Variants in TECPR2 observed in about 807,000 individuals in gnomAD.
The protein encoded by TECPR2 is tectonin beta-propeller repeat-containing protein 2.
A neutral mutation model predicts 138.1 loss-of-function variants in TECPR2; 65 were observed. The ratio of observed to expected loss-of-function variants is 0.47; its 90% CI spans 0.39 to 0.58. The LOEUF (loss-of-function observed/expected upper bound fraction) is 0.58. Ranked by LOEUF, TECPR2 falls within the 20% of genes least tolerant of loss-of-function variation. The pLI, the probability that TECPR2 is intolerant of heterozygous loss-of-function variation, is 0.00. For missense variants in TECPR2, 1,553 were observed against 1,824.5 expected (o/e 0.85, Z 2.71); for synonymous variants, 746 against 749.8 (o/e 0.99, Z 0.08).
rs143322660 is a variant in TECPR2, at chr14:102,433,589, C to T, written c.1418-646C>T. Reference sequence around the variant, plus strand: ...AGGCTAGAGTGCAATGGTGCGATCTCGGCTCACTGCAACTTCCGCCTCCCA... The same window carrying T: ...AGGCTAGAGTGCAATGGTGCGATCTTGGCTCACTGCAACTTCCGCCTCCCA... On this transcript the variant is annotated intron_variant, in intron 8 of 19. Transcript: ENST00000359520. 2.6e-3 allele frequency among the ~76,000 whole-genome samples: 394 copies of T among 151,928 alleles called. 5 individuals carry two copies. The highest frequency in any genetic ancestry group is 0.018 in the East Asian group (93 of 5,182).
At chr14:102,445,334 A>G (rs1889943944) in intron 12 of TECPR2, among the ~76,000 whole-genome samples, 1 of 152,066 alleles carries the variant, frequency 6.6e-6, no homozygotes, top group Admixed American at 6.6e-5. Flanking sequence ...TTGGTGAGGG[A>G]GGGAGTAGAG....
chr14:102,466,172 T>C (rs1458079962), intron 17 of TECPR2, among the ~76,000 whole-genome samples: 1 of 152,136 alleles, frequency 6.6e-6, no homozygotes, highest in Admixed American at 6.5e-5. Context: ...ACCAGTGGTG[T>C]CCACCAGCCC....
intron 1 of TECPR2, among the ~76,000 whole-genome samples, chr14:102,366,162 A>G (rs1887341565): frequency 6.6e-6 from 1 of 152,106 alleles, no homozygotes; most frequent in Non-Finnish European, 1.5e-5. Flanking sequence ...GAAATCATCC[A>G]TCTGGGTGGC....
At chr14:102,487,571 T>C (rs1026478271) in intron 17 of TECPR2, among the ~76,000 whole-genome samples, 2 of 152,192 alleles carry the variant, frequency 1.3e-5, no homozygotes, top group Non-Finnish European at 2.9e-5. Context: ...AGATGGAGTC[T>C]CGCTCTCTCC....
intron 2 of TECPR2, among the ~76,000 whole-genome samples, chr14:102,390,956 A>G (rs1412846962): frequency 6.6e-6 from 1 of 152,238 alleles, no homozygotes; most frequent in Admixed American, 6.5e-5. Context: ...GATCAACAGC[A>G]GGACGCTAAA....
intron 2 of TECPR2, among the ~76,000 whole-genome samples, chr14:102,405,233 C>T (rs1003478867): frequency 1.3e-5 from 2 of 152,022 alleles, no homozygotes; most frequent in African/African-American, 2.4e-5. Context: ...CACTTGAACC[C>T]GGGAGGTGGA....
At chr14:102,366,611 T>G (rs1597756687) in intron 1 of TECPR2, among the ~76,000 whole-genome samples, 1 of 152,218 alleles carries the variant, frequency 6.6e-6, no homozygotes, top group Admixed American at 6.5e-5. Flanking sequence ...CCTCCCAAAG[T>G]GCTGGGATTA....
rs146620739 is a variant in TECPR2, at chr14:102,450,821, C to T, written c.3406+172C>T. Among the ~76,000 whole-genome samples the T allele has an allele frequency of 3.3e-5, 5 of 152,284 alleles. No individual in the cohort carries two copies. In the East Asian group the frequency reaches 7.7e-4, roughly 24 times the overall value. On this transcript the variant is annotated intron_variant, in intron 15 of 19. Coordinates refer to ENST00000359520, the MANE Select transcript of TECPR2 (RefSeq NM_014844.5). ...GTTAGCTGAGCCGAGGGCCCTGAATCGGGATAGGCCTGACCAGGAGAGCCT... is the reference window on the plus strand; with the variant it reads ...GTTAGCTGAGCCGAGGGCCCTGAATTGGGATAGGCCTGACCAGGAGAGCCT...
intron 17 of TECPR2, among the ~76,000 whole-genome samples, chr14:102,487,698 C>T (rs1366336663): frequency 3.9e-5 from 6 of 152,112 alleles, no homozygotes; most frequent in Non-Finnish European, 7.4e-5. Flanking sequence ...CCCGCCACCA[C>T]GCCTGGCTAA....
chr14:102,475,146 G>A (rs1370363383), intron 17 of TECPR2, among the ~76,000 whole-genome samples: 2 of 152,246 alleles, frequency 1.3e-5, no homozygotes, highest in African/African-American at 2.4e-5. Context: ...AGAGGGAAGT[G>A]CTGTCAGGGC....
intron 2 of TECPR2, among the ~76,000 whole-genome samples, chr14:102,381,430 C>A (rs1389874339): frequency 6.6e-6 from 1 of 152,120 alleles, no homozygotes; most frequent in African/African-American, 2.4e-5. Context: ...AAAAATTAGC[C>A]GGGAATAGTG....
At chr14:102,397,512 CA>C (rs1454192737) in intron 2 of TECPR2, among the ~76,000 whole-genome samples, 13 of 152,152 alleles carry the variant, frequency 8.5e-5, no homozygotes, top group Non-Finnish European at 1.5e-5. Context: ...TTGGGGAGGC[CA>C]AGGCAGGTGG....
At chr14:102,410,605 A>G (rs1468266579) in intron 4 of TECPR2, among the ~76,000 whole-genome samples, 2 of 151,766 alleles carry the variant, frequency 1.3e-5, no homozygotes, top group African/African-American at 4.8e-5. Flanking sequence ...TCGGAATGCT[A>G]CAGGGTACAG....
At chr14:102,459,375 A>G (rs1292615623) in intron 16 of TECPR2, among the ~76,000 whole-genome samples, 3 of 152,226 alleles carry the variant, frequency 2.0e-5, no homozygotes, top group African/African-American at 4.8e-5. Context: ...ATGTCATCAC[A>G]CACAGTAGCC....
rs1001212766 is a variant in TECPR2, at chr14:102,381,213, G to A, written c.219+4273G>A. Among the ~76,000 whole-genome samples, 8 of 152,140 alleles carry A rather than the reference G, an allele frequency of 5.3e-5. No individual in the cohort carries two copies. In the South Asian group the frequency reaches 8.3e-4, roughly 16 times the overall value. On this transcript the variant is annotated intron_variant, in intron 2 of 19. Transcript: ENST00000359520. ...TGATGTCAGGTGATCCACTCGCTTC[G>A]GCCTCCCAAAATGCTGGGATTACAG...
chr14:102,412,911 A>G (rs1190090792), intron 4 of TECPR2, among the ~76,000 whole-genome samples: 1 of 152,302 alleles, frequency 6.6e-6, no homozygotes, highest in Non-Finnish European at 1.5e-5. Context: ...TCTGGGCAAC[A>G]TGGCAAAACC....
chr14:102,428,009 G>T (rs1377597209), intron 6 of TECPR2, among the ~76,000 whole-genome samples: 1 of 152,188 alleles, frequency 6.6e-6, no homozygotes, highest in Non-Finnish European at 1.5e-5. Flanking sequence ...AGGGCAGGGT[G>T]GTACGTGGGT....
chr14:102,374,828 G>A (rs573090060), intron 1 of TECPR2, among the ~76,000 whole-genome samples: 1 of 152,202 alleles, frequency 6.6e-6, no homozygotes, highest in Non-Finnish European at 1.5e-5. Context: ...ACTGTTCCTG[G>A]GCCAAATTTT....
chr14:102,369,085 T>C (rs1418196020), intron 1 of TECPR2, among the ~76,000 whole-genome samples: 2 of 152,202 alleles, frequency 1.3e-5, no homozygotes, highest in Non-Finnish European at 2.9e-5. Flanking sequence ...GGTAGGATTA[T>C]CACTGAGTGT....
Sources: gnomAD v4.1 joint callset for allele counts (sites outside exome capture counted in the v4.1 genomes callset) on GRCh38, gnomAD v4.1.1 for gene constraint, MANE v1.5 for transcripts, NCBI Gene and HGNC (gene_info 2026-07-23, HGNC 2026-07-21) for gene names.